The following HRH1 variants were observed in gnomAD, a reference collection of about 807,000 sequenced individuals.
HRH1 encodes the protein histamine receptor H1, also known as histamine H1 receptor.
In HRH1, 6 loss-of-function variants were observed where a neutral mutation model predicts 10.3. The ratio of observed to expected loss-of-function variants is 0.58; its 90% CI spans 0.32 to 1.15. The LOEUF (loss-of-function observed/expected upper bound fraction) is 1.15. HRH1 is among the 50% of genes most tolerant of loss of function. The probability of loss-of-function intolerance (pLI) is 0.05; values close to 1 mark genes in which losing one functional copy is unlikely to be tolerated. For missense variants in HRH1, 514 were observed against 615.3 expected (o/e 0.84, Z 1.74); for synonymous variants, 242 against 236.7 (o/e 1.02, Z -0.21).
At chr3:11,146,528 A>C (rs1936449965) in intron 1 of HRH1, among the ~76,000 whole-genome samples, 1 of 152,168 alleles carries the variant, frequency 6.6e-6, no homozygotes, top group Admixed American at 6.6e-5. Context: ...ACTGAAACTA[A>C]AGAAGTGTTT....
intron 1 of HRH1, among the ~76,000 whole-genome samples, chr3:11,208,024 A>C (rs1938198604): frequency 6.6e-6 from 1 of 152,232 alleles, no homozygotes; most frequent in Admixed American, 6.5e-5. Context: ...AGCAGGATGA[A>C]GAATTTAAAA....
intron 1 of HRH1, among the ~76,000 whole-genome samples, chr3:11,149,457 A>G (rs554399392): frequency 6.6e-6 from 1 of 152,220 alleles, no homozygotes; most frequent in Non-Finnish European, 1.5e-5. Flanking sequence ...ACAATTAGAA[A>G]ACCTGGGTAG....
At chr3:11,160,093 T>A (rs920452123) in intron 1 of HRH1, among the ~76,000 whole-genome samples, 1 of 152,238 alleles carries the variant, frequency 6.6e-6, no homozygotes, top group African/African-American at 2.4e-5. Flanking sequence ...AGTATACCTG[T>A]ATATTGTTAC....
At chr3:11,173,498 G>A (rs1487403905) in intron 1 of HRH1, among the ~76,000 whole-genome samples, 1 of 151,778 alleles carries the variant, frequency 6.6e-6, no homozygotes, top group Non-Finnish European at 1.5e-5. Flanking sequence ...CTCCTCCCGG[G>A]TTCATGCCAT....
chr3:11,167,247 G>A (rs1368632277), intron 1 of HRH1, among the ~76,000 whole-genome samples: 1 of 144,526 alleles, frequency 6.9e-6, no homozygotes, highest in Non-Finnish European at 1.5e-5. Flanking sequence ...GCTGTCCCCT[G>A]CATTCTCCAG....
chr3:11,253,501 C>G (rs1307021002), intron 1 of HRH1, among the ~76,000 whole-genome samples: 1 of 152,174 alleles, frequency 6.6e-6, no homozygotes, highest in Non-Finnish European at 1.5e-5. Context: ...GATTCTAGGC[C>G]AGCGTATTTT....
chr3:11,225,567 C>T (rs1255449796), intron 1 of HRH1, among the ~76,000 whole-genome samples: 12 of 152,240 alleles, frequency 7.9e-5, no homozygotes, highest in African/African-American at 2.9e-4. Flanking sequence ...TTAAGCACCT[C>T]CCCACTTCTT....
chr3:11,220,097 C>G (rs181779789), intron 1 of HRH1, among the ~76,000 whole-genome samples: 1 of 152,118 alleles, frequency 6.6e-6, no homozygotes, highest in East Asian at 1.9e-4. Flanking sequence ...CTTAAGCTCT[C>G]TAAGACTCAA....
At chr3:11,141,656 T>A (rs920073846) in intron 1 of HRH1, among the ~76,000 whole-genome samples, 1 of 152,166 alleles carries the variant, frequency 6.6e-6, no homozygotes, top group African/African-American at 2.4e-5. Flanking sequence ...CCCCAGTAGG[T>A]GATATAAGAG....
intron 1 of HRH1, among the ~76,000 whole-genome samples, chr3:11,205,860 C>T (rs1938104241): frequency 6.6e-6 from 1 of 152,096 alleles, no homozygotes; most frequent in African/African-American, 2.4e-5. Context: ...TGGGGTTTCA[C>T]CATATTGGCC....
At chr3:11,180,969 ACACACACACAC>A (rs1937341075) in intron 1 of HRH1, among the ~76,000 whole-genome samples, 3 of 149,956 alleles carry the variant, frequency 2.0e-5, no homozygotes, top group Non-Finnish European at 4.5e-5. Context: ...ACACACACAC[ACACACACACAC>A]ACACACACAC....
intron 1 of HRH1, among the ~76,000 whole-genome samples, chr3:11,210,563 A>C (rs1375267349): frequency 1.3e-5 from 2 of 152,148 alleles, no homozygotes; most frequent in African/African-American, 4.8e-5. Flanking sequence ...AGCCCAAGGC[A>C]GGCGGATCAT....
chr3:11,182,577 A>T (rs529364231), intron 1 of HRH1, among the ~76,000 whole-genome samples: 5 of 152,212 alleles, frequency 3.3e-5, no homozygotes, highest in Non-Finnish European at 7.3e-5. Context: ...GGCCTTCAGC[A>T]GTGGTTCTCA....
At chr3:11,225,646 C>G (rs1464114822) in intron 1 of HRH1, among the ~76,000 whole-genome samples, 2 of 152,256 alleles carry the variant, frequency 1.3e-5, no homozygotes, top group East Asian at 3.8e-4. Context: ...AAAGTCTGAT[C>G]AGTAATTAAG....
rs1937288935 is a variant in HRH1, at chr3:11,178,471, T to C, written c.-36+23917T>C. On this transcript the variant is annotated intron_variant, in intron 1 of 1. Coordinates refer to ENST00000431010, the MANE Select transcript of HRH1 (RefSeq NM_001098212.2). ...TCTCTTTACAGTTTCTGCGCAACCC[T>C]CTTCCAACCTGGCTGTACCTTTGCC... 2.0e-5 allele frequency among the ~76,000 whole-genome samples: 3 copies of C among 152,316 alleles called. No individual in the cohort carries two copies. In the South Asian group the frequency reaches 6.2e-4, roughly 32 times the overall value.
rs956915428 is a variant in HRH1 at position 11,246,744 on chromosome 3, T to A, written c.-35-12259T>A. 9.2e-4 allele frequency among the ~76,000 whole-genome samples: 140 copies of A among 152,290 alleles called. 1 individual carries two copies. Among genetic ancestry groups the A allele is most frequent in the Non-Finnish European group, 1.8e-3 (122 of 68,024 alleles). On this transcript the variant is annotated intron_variant, in intron 1 of 1. Coordinates refer to ENST00000431010, the MANE Select transcript of HRH1 (RefSeq NM_001098212.2). ...CAAAAAGGAAAAATACAGATTTTTT[T>A]AAATAAAAACAAATCATGGCTGGGC...
intron 1 of HRH1, among the ~76,000 whole-genome samples, chr3:11,243,581 C>G (rs1396231675): frequency 6.6e-6 from 1 of 152,220 alleles, no homozygotes; most frequent in Non-Finnish European, 1.5e-5. Flanking sequence ...AGCTTACTTA[C>G]ACCTTGGCCC....
At chr3:11,199,901 A>C (rs550571018) in intron 1 of HRH1, among the ~76,000 whole-genome samples, 3 of 152,198 alleles carry the variant, frequency 2.0e-5, no homozygotes, top group African/African-American at 7.2e-5. Flanking sequence ...CATCTTGTTC[A>C]GGTAACTACC....
chr3:11,246,700 T>A (rs1236140359), intron 1 of HRH1, among the ~76,000 whole-genome samples: 1 of 152,212 alleles, frequency 6.6e-6, no homozygotes, highest in East Asian at 1.9e-4. Flanking sequence ...AATTCAATCA[T>A]AACTTTTCTT....
Sources: allele counts gnomAD v4.1 joint callset (sites outside exome capture counted in the v4.1 genomes callset), GRCh38; gene constraint gnomAD v4.1.1; transcripts MANE v1.5; gene names NCBI Gene and HGNC (gene_info 2026-07-23, HGNC 2026-07-21).